PAPPA: variants seen among roughly 807,000 people sequenced by gnomAD.
The protein encoded by PAPPA is pappalysin-1.
A neutral mutation model predicts 164.0 loss-of-function variants in PAPPA; 60 were observed. The observed-to-expected ratio is 0.37, with a 90% CI of 0.30 to 0.45. The LOEUF (loss-of-function observed/expected upper bound fraction) is 0.45. PAPPA is among the 20% of genes least tolerant of loss of function. PAPPA has a pLI of 1.00. For missense variants in PAPPA, 1,782 were observed against 2,087.3 expected (o/e 0.85, Z 2.85); for synonymous variants, 875 against 814.1 (o/e 1.07, Z -1.27).
At chr9:116,222,662 A>G (rs556035745) in intron 5 of PAPPA, among the ~76,000 whole-genome samples, 52 of 152,300 alleles carry the variant, frequency 3.4e-4, no homozygotes, top group Non-Finnish European at 5.4e-4. Context: ...ATAGAGGTAG[A>G]AAGTAGAATG....
At chr9:116,299,333 C>A (rs565848821) in intron 9 of PAPPA, among the ~76,000 whole-genome samples, 3 of 152,038 alleles carry the variant, frequency 2.0e-5, no homozygotes, top group African/African-American at 7.2e-5. Flanking sequence ...ACTTATCGAC[C>A]TGCCTGTATA....
chr9:116,301,639 G>A (rs558454503), intron 9 of PAPPA, among the ~76,000 whole-genome samples: 1 of 152,326 alleles, frequency 6.6e-6, no homozygotes, highest in South Asian at 2.1e-4. Flanking sequence ...CCTTGTCCTT[G>A]CAGCTAAGTG....
At position 116,371,550 on chromosome 9, in the gene PAPPA, A is replaced by G. The variant is rs145217867; in HGVS notation, c.4605+3796A>G. ...ACACATACTACCCAACTTAATAAATAAAAACTTTACAGATACTGTTGAAGT... is the reference window on the plus strand; with the variant it reads ...ACACATACTACCCAACTTAATAAATGAAAACTTTACAGATACTGTTGAAGT... On this transcript the variant is annotated intron_variant, in intron 19 of 21. Coordinates refer to ENST00000328252, the MANE Select transcript of PAPPA (RefSeq NM_002581.5). 1.3e-3 allele frequency among the ~76,000 whole-genome samples: 194 copies of G among 152,338 alleles called. 1 individual carries two copies. Among genetic ancestry groups the G allele is most frequent in the African/African-American group, 4.4e-3 (183 of 41,568 alleles).
chr9:116,289,343 T>A lies in PAPPA; in HGVS notation c.2954-13414T>A, dbSNP rs1234056688. Among the ~76,000 whole-genome samples the A allele has an allele frequency of 1.7e-4, 23 of 131,796 alleles. 1 individual carries two copies. Among genetic ancestry groups the A allele is most frequent in the Middle Eastern group, 4.2e-3 (1 of 240 alleles). 86.5% of individuals were successfully genotyped at this position (131,796 alleles called of 152,430 possible). A position where few individuals can be genotyped will look rare whatever the true frequency, so the allele number is the denominator to read the frequency against. On this transcript the variant is annotated intron_variant, in intron 9 of 21. Coordinates refer to ENST00000328252, the MANE Select transcript of PAPPA (RefSeq NM_002581.5). ...ATATATGGCATATATATAGCATATA[T>A]ATGGCATATATATGGCATATATATG...
chr9:116,275,997 A>C (rs184399478), intron 9 of PAPPA, among the ~76,000 whole-genome samples: 14 of 152,322 alleles, frequency 9.2e-5, no homozygotes, highest in African/African-American at 3.4e-4. Context: ...ATGACCTCTC[A>C]GGCAAGGCAG....
chr9:116,375,420 C>G (rs544330755), intron 19 of PAPPA, among the ~76,000 whole-genome samples: 20 of 152,192 alleles, frequency 1.3e-4, no homozygotes, highest in Admixed American at 2.6e-4. Flanking sequence ...AACTGATCCT[C>G]TAAACTAGAC....
chr9:116,196,140 C>T (rs1333258508), intron 2 of PAPPA, among the ~76,000 whole-genome samples: 2 of 152,100 alleles, frequency 1.3e-5, no homozygotes, highest in African/African-American at 4.8e-5. Context: ...GACTCTTGCC[C>T]CAGCATACTC....
chr9:116,295,566 A>AAAAAAAAAAG (rs1554749299), intron 9 of PAPPA, among the ~76,000 whole-genome samples: 2 of 150,152 alleles, frequency 1.3e-5, no homozygotes, highest in African/African-American at 5.0e-5. Context: ...AAAAAAAAAA[A>AAAAAAAAAAG]AAAAGAAAAG....
chr9:116,269,536 A>G (rs1845113662), intron 8 of PAPPA, among the ~76,000 whole-genome samples: 1 of 152,224 alleles, frequency 6.6e-6, no homozygotes, highest in South Asian at 2.1e-4. Flanking sequence ...GTGCTGTGAT[A>G]GATGGAGCAA....
chr9:116,353,058 A>T (rs1356112468), intron 16 of PAPPA, 142 bp downstream of exon 16: 1 of 722,280 alleles, frequency 1.4e-6, no homozygotes, highest in Admixed American at 2.2e-5. Flanking sequence ...AGAAGCTAGA[A>T]GGATTTGTTA....
chr9:116,267,592 G>A (rs950476373), intron 8 of PAPPA, among the ~76,000 whole-genome samples: 1 of 152,102 alleles, frequency 6.6e-6, no homozygotes, highest in African/African-American at 2.4e-5. Context: ...AAGAAATGGC[G>A]GCCGGGTGCG....
chr9:116,384,690 T>C (rs1192533242), intron 21 of PAPPA, among the ~76,000 whole-genome samples: 1 of 152,212 alleles, frequency 6.6e-6, no homozygotes, highest in Non-Finnish European at 1.5e-5. Flanking sequence ...AGTTGATTCT[T>C]ACAATTGGAA....
At chr9:116,329,613 T>C (rs1350524300) in intron 10 of PAPPA, among the ~76,000 whole-genome samples, 1 of 152,188 alleles carries the variant, frequency 6.6e-6, no homozygotes, top group African/African-American at 2.4e-5. Context: ...TTAATTCACA[T>C]GAATCGCTGG....
Position 116,353,912 on chromosome 9 carries a change from C to G in PAPPA, c.4347+119C>G, listed in dbSNP as rs140177812. ...TTTGTAATCTCTGATCCTCATTTTC[C>G]TACCCGCAATACTGTTTTTGATTTG... On this transcript the variant is annotated intron_variant, in intron 17 of 21. Coordinates refer to ENST00000328252, the MANE Select transcript of PAPPA (RefSeq NM_002581.5). The G allele has an allele frequency of 8.5e-4, 580 of 685,868 alleles. 2 individuals carry two copies. The African/African-American group carries it at 9.4e-3, about 11-fold the overall frequency. The allele number at this position is 685,868 out of a possible 1,614,324, so 42.5% of individuals were successfully genotyped here. A position where few individuals can be genotyped will look rare whatever the true frequency, so the allele number is the denominator to read the frequency against.
At chr9:116,226,256 G>T (rs888448674) in intron 5 of PAPPA, among the ~76,000 whole-genome samples, 1 of 152,170 alleles carries the variant, frequency 6.6e-6, no homozygotes, top group Non-Finnish European at 1.5e-5. Flanking sequence ...GGCATGACTT[G>T]TTCATCTTGA....
intron 1 of PAPPA, among the ~76,000 whole-genome samples, chr9:116,171,944 AT>A (rs1843780475): frequency 6.6e-6 from 1 of 152,232 alleles, no homozygotes; most frequent in South Asian, 2.1e-4. Flanking sequence ...CATGATAATC[AT>A]GCAGCTCTAA....
intron 9 of PAPPA, among the ~76,000 whole-genome samples, chr9:116,279,200 A>G (rs543343113): frequency 6.6e-6 from 1 of 152,324 alleles, no homozygotes; most frequent in Admixed American, 6.5e-5. Flanking sequence ...TTTAAAAGAA[A>G]TCAGGGCTTG....
intron 13 of PAPPA, among the ~76,000 whole-genome samples, chr9:116,338,471 C>G (rs566566368): frequency 1.3e-5 from 2 of 152,146 alleles, no homozygotes; most frequent in Non-Finnish European, 2.9e-5. Context: ...CCAAGTATTT[C>G]TAGAGTCTGT....
At chr9:116,216,737 C>A (rs1844377039) in intron 4 of PAPPA, among the ~76,000 whole-genome samples, 1 of 151,330 alleles carries the variant, frequency 6.6e-6, no homozygotes, top group African/African-American at 2.4e-5. Flanking sequence ...TCGACTTCAG[C>A]TTTTTTTTTA....
Sources: gnomAD v4.1 joint callset for allele counts (sites outside exome capture counted in the v4.1 genomes callset) on GRCh38, gnomAD v4.1.1 for gene constraint, MANE v1.5 for transcripts, NCBI Gene and HGNC (gene_info 2026-07-23, HGNC 2026-07-21) for gene names.